The following MAPT variants were observed in gnomAD, a reference collection of about 807,000 sequenced individuals.
MAPT encodes microtubule associated protein tau.
MAPT carries 34 observed loss-of-function variants against 67.9 expected under a neutral mutation model. That is an observed-to-expected ratio of 0.50 (90% CI 0.38 to 0.67). MAPT has a LOEUF of 0.67. MAPT is among the 30% of genes least tolerant of loss of function. The pLI is 0.00. For synonymous variants in MAPT, 456 were observed against 464.5 expected, an observed-to-expected ratio of 0.98 and a Z score of 0.23; for missense variants, 881 against 1,115.2, an observed-to-expected ratio of 0.79 and a Z score of 2.99.
intron 9 of MAPT, among the ~76,000 whole-genome samples, chr17:46,007,346 G>T (rs2075518142): frequency 6.6e-6 from 1 of 151,850 alleles, no homozygotes; most frequent in South Asian, 2.1e-4. Context: ...AATTAGCTGG[G>T]CGTGGTAGCA....
rs577138180 is a variant in MAPT at position 45,961,171 on chromosome 17, A to C, written c.-17-1150A>C. Among the ~76,000 whole-genome samples the C allele has an allele frequency of 1.1e-3, 122 of 107,688 alleles. 1 individual carries two copies. Among genetic ancestry groups the C allele is most frequent in the Non-Finnish European group, 2.1e-3 (87 of 40,592 alleles). The allele number at this position is 107,688 out of a possible 152,430, so 70.6% of individuals were successfully genotyped here. A position where few individuals can be genotyped will look rare whatever the true frequency, so the allele number is the denominator to read the frequency against. ...GGGCAACAAAGCGAGACTCTATCTCAAAAAAAAAAAAGTTCATAAATTCAA... is the reference window on the plus strand; with the variant it reads ...GGGCAACAAAGCGAGACTCTATCTCCAAAAAAAAAAAGTTCATAAATTCAA... On this transcript the variant is annotated intron_variant, in intron 1 of 12. Transcript: ENST00000262410.
At chr17:45,941,700 TGCC>T (rs1568207973) in intron 1 of MAPT, among the ~76,000 whole-genome samples, 1,075 of 82,064 alleles carry the variant, frequency 0.013, 102 homozygotes, top group South Asian at 0.057. Flanking sequence ...CCTTCCTTCC[TGCC>T]TGCCTTCCTT....
In MAPT at chr17:46,010,118, C is replaced by A. The variant is rs576807877; in HGVS notation, c.1999-192C>A. Among the ~76,000 whole-genome samples the A allele has an allele frequency of 1.3e-5, 2 of 152,328 alleles. No individual in the cohort carries two copies. Among genetic ancestry groups the A allele is most frequent in the East Asian group, 3.9e-4 (2 of 5,176 alleles). ...GAGCAGCCCTCTATCCCTTCAGCTC[C>A]CCTGGGATGTGACTCAACCTCCCGT... On this transcript the variant is annotated intron_variant, in intron 9 of 12. Coordinates refer to ENST00000262410, the MANE Select transcript of MAPT (RefSeq NM_001377265.1). This position sits in a 1 kb window ranked among gnomAD's most constrained non-coding sequence, Gnocchi z 4.7.
chr17:45,993,929 A>C lies in MAPT; in HGVS notation c.1732+2343A>C, dbSNP rs1429661441. ...CGTGGATTTTTCTCTTTAAGCGACTAAGCAAGTCCAGAGAAGACCACCCCC... is the reference window on the plus strand; with the variant it reads ...CGTGGATTTTTCTCTTTAAGCGACTCAGCAAGTCCAGAGAAGACCACCCCC... On this transcript the variant is annotated intron_variant, in intron 8 of 12. Transcript: ENST00000262410. 1.9e-6 allele frequency: 3 copies of C among 1,573,378 alleles called. 1 individual carries two copies. The highest frequency in any genetic ancestry group is 3.7e-5 in the Admixed American group (2 of 54,192).
intron 9 of MAPT, among the ~76,000 whole-genome samples, chr17:46,006,447 C>T (rs59775055): frequency 0.056 from 8,447 of 150,592 alleles, 741 homozygotes; most frequent in African/African-American, 0.19. Context: ...TGGAGGGGAG[C>T]AGGGAGAAAG....
At chr17:45,901,259 T>C (rs1560311) in intron 1 of MAPT, among the ~76,000 whole-genome samples, 21,826 of 152,232 alleles carry the variant, frequency 0.14, 2,140 homozygotes, top group Middle Eastern at 0.22. Context: ...CAGCCCAAAC[T>C]GACCTGCCTT....
chr17:45,901,202 C>G (rs2063587450), intron 1 of MAPT, among the ~76,000 whole-genome samples: 1 of 152,218 alleles, frequency 6.6e-6, no homozygotes, highest in African/African-American at 2.4e-5. Flanking sequence ...GCCTCATCTT[C>G]TTCCTGAAAT....
chr17:45,974,278 C>A, intron 3 of MAPT: 1 of 809,178 alleles, frequency 1.2e-6, no homozygotes, highest in Non-Finnish European at 2.1e-6. Flanking sequence ...TATGGCTGAT[C>A]CCCTCCTCAC....
chr17:46,016,338 C>G (rs2076174107), intron 11 of MAPT, among the ~76,000 whole-genome samples: 1 of 150,250 alleles, frequency 6.7e-6, no homozygotes, highest in Non-Finnish European at 1.5e-5. Context: ...GCTGAGTGAG[C>G]CAAGATCGTG....
At chr17:45,931,586 G>A (rs1376565265) in intron 1 of MAPT, among the ~76,000 whole-genome samples, 1 of 152,120 alleles carries the variant, frequency 6.6e-6, no homozygotes, top group Non-Finnish European at 1.5e-5. Flanking sequence ...AGCAGCTACT[G>A]TATTGTACCA....
chr17:45,935,019 A>G (rs950268875), intron 1 of MAPT, among the ~76,000 whole-genome samples: 4 of 152,150 alleles, frequency 2.6e-5, no homozygotes, highest in African/African-American at 4.8e-5. Context: ...CTGGAAAGAT[A>G]TCCAAGCCAC....
chr17:45,933,735 G>A (rs1047780865), intron 1 of MAPT, among the ~76,000 whole-genome samples: 1 of 152,088 alleles, frequency 6.6e-6, no homozygotes, highest in African/African-American at 2.4e-5. Context: ...GGAAGATTAG[G>A]TCATCTGCTA....
intron 3 of MAPT, 49 bp from the exon 4 acceptor site, chr17:45,978,326 A>G (rs767207180): frequency 2.1e-6 from 3 of 1,457,608 alleles, no homozygotes; most frequent in Non-Finnish European, 2.9e-6. Flanking sequence ...TCTAGTAAAC[A>G]ATAACTGTCT....
intron 1 of MAPT, among the ~76,000 whole-genome samples, chr17:45,960,818 T>C (rs1209850191): frequency 1.5e-5 from 2 of 134,628 alleles, no homozygotes; most frequent in Non-Finnish European, 3.2e-5. Context: ...ACAAAGCATT[T>C]ATCCTGGATT....
chr17:46,008,410 G>T (rs925256430), intron 9 of MAPT, among the ~76,000 whole-genome samples: 1 of 152,122 alleles, frequency 6.6e-6, no homozygotes, highest in African/African-American at 2.4e-5. Flanking sequence ...ACTTCTTAGA[G>T]CAAGATACAA....
intron 1 of MAPT, among the ~76,000 whole-genome samples, chr17:45,928,718 C>T (rs981931829): frequency 1.3e-5 from 2 of 152,070 alleles, no homozygotes; most frequent in Non-Finnish European, 2.9e-5. Flanking sequence ...TTTTTTGAGA[C>T]AGAGTTTTGC....
Position 45,971,954 on chromosome 17 carries a change from C to T in MAPT, c.220+9C>T. ...CACTCCAACAGCGGAAGGTGGGCCCCCCTTCAGACGCCCCCTCCATGCCTC... is the reference window on the plus strand; with the variant it reads ...CACTCCAACAGCGGAAGGTGGGCCCTCCTTCAGACGCCCCCTCCATGCCTC... On this transcript the variant is annotated intron_variant, in intron 3 of 12. Coordinates refer to ENST00000262410, the MANE Select transcript of MAPT (RefSeq NM_001377265.1). The surrounding 1 kb of genome is among the most constrained non-coding windows in gnomAD (Gnocchi z 4.3). 1.9e-6 allele frequency: 3 copies of T among 1,611,116 alleles called. No individual in the cohort carries two copies. Among genetic ancestry groups the T allele is most frequent in the Non-Finnish European group, 2.5e-6 (3 of 1,177,392 alleles).
chr17:46,017,989 C>G (rs1245642939), intron 11 of MAPT, among the ~76,000 whole-genome samples: 3 of 151,340 alleles, frequency 2.0e-5, no homozygotes, highest in East Asian at 2.0e-4. Flanking sequence ...ACTGAAAATA[C>G]AAAAAATTAG....
At chr17:46,009,787 AG>A (rs2075698254) in intron 9 of MAPT, among the ~76,000 whole-genome samples, 1 of 152,238 alleles carries the variant, frequency 6.6e-6, no homozygotes, top group Non-Finnish European at 1.5e-5. Context: ...ATTCTAGGTC[AG>A]GGCTAGGGGC....
Sources: gnomAD v4.1 joint callset for allele counts (sites outside exome capture counted in the v4.1 genomes callset) on GRCh38, gnomAD v4.1.1 for gene constraint, Gnocchi (gnomAD v3.1) non-coding constraint, MANE v1.5 for transcripts, NCBI Gene and HGNC (gene_info 2026-07-23, HGNC 2026-07-21) for gene names.